The following PCDH9 variants were observed in gnomAD, a reference collection of about 807,000 sequenced individuals.
The protein encoded by PCDH9 is protocadherin 9.
A neutral mutation model predicts 70.6 loss-of-function variants in PCDH9; 24 were observed. That is an observed-to-expected ratio of 0.34 (90% confidence interval 0.25 to 0.48). The LOEUF is 0.48. Among genes scored for constraint, PCDH9 ranks in the 20% least tolerant of loss-of-function variants. The pLI is 0.99. For synonymous variants in PCDH9, 562 were observed against 558.5 expected (o/e 1.01, Z -0.09); for missense variants, 1,281 against 1,503.6 (o/e 0.85, Z 2.45).
Position 66,358,157 on chromosome 13 carries a change from A to G in PCDH9, c.3341-53129T>C, listed in dbSNP as rs562776768. On this transcript the variant is annotated intron_variant, in intron 4 of 4. Transcript: ENST00000377865. ...CTAGAATAATACTTTTCATAACTTT[A>G]TCATTTCTTTAAAACAATATGCAGT... is the stretch of plus-strand genomic sequence containing the variant. Among the ~76,000 whole-genome samples the G allele has an allele frequency of 2.6e-5, 4 of 152,096 alleles. No individual in the cohort carries two copies. The South Asian group carries it at 8.3e-4, about 32-fold the overall frequency.
chr13:66,875,004 G>A (rs140862197), intron 3 of PCDH9, among the ~76,000 whole-genome samples: 103 of 151,280 alleles, frequency 6.8e-4, no homozygotes, highest in African/African-American at 2.4e-3. Context: ...AGGAGATAAT[G>A]AGAAGTTATC....
At chr13:66,880,836 A>G (rs2081909164) in intron 3 of PCDH9, among the ~76,000 whole-genome samples, 1 of 152,280 alleles carries the variant, frequency 6.6e-6, no homozygotes, top group South Asian at 2.1e-4. Context: ...TTAACTAGAG[A>G]GCAATTGCTT....
At chr13:66,544,139 GAGC>G (rs1276800254) in intron 4 of PCDH9, among the ~76,000 whole-genome samples, 5 of 152,212 alleles carry the variant, frequency 3.3e-5, no homozygotes, top group Admixed American at 3.3e-4. Flanking sequence ...CTTATTTAAA[GAGC>G]AGCAAGCTCC....
In PCDH9 at chr13:66,343,272, A is replaced by G. The variant is rs953795432; in HGVS notation, c.3341-38244T>C. ...CATCCATTTATCATGTCACAATTCT[A>G]TAGGTCACAAGTCTGGTACAGAGTG... On this transcript the variant is annotated intron_variant, in intron 4 of 4. Coordinates refer to ENST00000377865, the MANE Select transcript of PCDH9 (RefSeq NM_203487.3). Among the ~76,000 whole-genome samples, 3 of 152,296 alleles carry G rather than the reference A, an allele frequency of 2.0e-5. No homozygotes were observed. In the East Asian group the frequency reaches 5.8e-4, roughly 29 times the overall value.
intron 3 of PCDH9, among the ~76,000 whole-genome samples, chr13:66,899,132 C>T (rs899083058): frequency 6.6e-6 from 1 of 151,970 alleles, no homozygotes; most frequent in African/African-American, 2.4e-5. Flanking sequence ...TTTTATGAAA[C>T]CAATGGTTAT....
At chr13:67,076,747 G>A (rs2085885885) in intron 2 of PCDH9, among the ~76,000 whole-genome samples, 1 of 152,068 alleles carries the variant, frequency 6.6e-6, no homozygotes. Context: ...TTTTTCTGAA[G>A]ACTACTGGAA....
At chr13:66,666,339 C>T (rs2078096978) in intron 3 of PCDH9, among the ~76,000 whole-genome samples, 1 of 152,146 alleles carries the variant, frequency 6.6e-6, no homozygotes, top group African/African-American at 2.4e-5. Flanking sequence ...TGGCATTCTG[C>T]TGGATGTCTG....
At chr13:66,396,571 T>C (rs990640670) in intron 4 of PCDH9, among the ~76,000 whole-genome samples, 2 of 135,434 alleles carry the variant, frequency 1.5e-5, no homozygotes, top group African/African-American at 2.5e-5. Context: ...TAAATGAATA[T>C]ACGAAATAGA....
rs1470218871 is a variant in PCDH9, at chr13:67,225,388, T to A, written c.3036+17A>T. 12 of 1,612,044 alleles carry A rather than the reference T, an allele frequency of 7.4e-6. No individual in the cohort carries two copies. The highest frequency in any genetic ancestry group is 9.3e-6 in the Non-Finnish European group (11 of 1,178,650). On this transcript the variant is annotated intron_variant, in intron 2 of 4. Transcript: ENST00000377865. ...CTTGTATGCAGTACTTATAGACCAG[T>A]AAAAGTGCTCGTTTACCTGTCTGGT...
intron 3 of PCDH9, among the ~76,000 whole-genome samples, chr13:66,687,403 T>G (rs1325940349): frequency 6.6e-6 from 1 of 152,164 alleles, no homozygotes; most frequent in Non-Finnish European, 1.5e-5. Context: ...AGTATTTTTT[T>G]CTTGCGGATC....
At chr13:67,172,877 C>CAA (rs11407365) in intron 2 of PCDH9, among the ~76,000 whole-genome samples, 5,402 of 98,142 alleles carry the variant, frequency 0.055, 417 homozygotes, top group African/African-American at 0.14. Flanking sequence ...GACTCCATCT[C>CAA]AAAAAAAAAA....
rs73510081 is a variant in PCDH9 at position 66,463,666 on chromosome 13, G to T, written c.3341-158638C>A. Among the ~76,000 whole-genome samples, 926 of 151,800 alleles carry T rather than the reference G, an allele frequency of 6.1e-3. 9 individuals are homozygous for T. The highest frequency in any genetic ancestry group is 0.021 in the African/African-American group (880 of 41,456). ...TTTTTTGTGGACCACACTTTGAGGA[G>T]CAAGATGGTAAACATTTGAAAGAAA... On this transcript the variant is annotated intron_variant, in intron 4 of 4. Coordinates refer to ENST00000377865, the MANE Select transcript of PCDH9 (RefSeq NM_203487.3).
intron 4 of PCDH9, among the ~76,000 whole-genome samples, chr13:66,489,652 C>T (rs1188288437): frequency 6.6e-6 from 1 of 152,096 alleles, no homozygotes; most frequent in Non-Finnish European, 1.5e-5. Flanking sequence ...TTCACTGCCT[C>T]CTTATAAATC....
intron 2 of PCDH9, among the ~76,000 whole-genome samples, chr13:67,029,509 G>A (rs569760296): frequency 6.6e-6 from 1 of 152,088 alleles, no homozygotes; most frequent in East Asian, 1.9e-4. Context: ...CTCTTCAGTG[G>A]TTAATCTCTT....
At chr13:66,399,249 T>A (rs1421891318) in intron 4 of PCDH9, among the ~76,000 whole-genome samples, 1 of 152,152 alleles carries the variant, frequency 6.6e-6, no homozygotes, top group Non-Finnish European at 1.5e-5. Context: ...CTACCTAGGC[T>A]CTTCCCTTGA....
At chr13:66,510,949 G>A (rs574317272) in intron 4 of PCDH9, among the ~76,000 whole-genome samples, 4 of 152,220 alleles carry the variant, frequency 2.6e-5, no homozygotes, top group Middle Eastern at 3.4e-3. Context: ...GTTTAGTTAG[G>A]TGTAAACAAC....
rs548515601 is a variant in PCDH9 at position 66,472,580 on chromosome 13, C to T, written c.3340+158630G>A. On this transcript the variant is annotated intron_variant, in intron 4 of 4. Transcript: ENST00000377865. ...GTGGGACCCTATCTCAAAACAACAA[C>T]AACAACCAAACACATCCATATTATA... Among the ~76,000 whole-genome samples, 5 of 152,242 alleles carry T rather than the reference C, an allele frequency of 3.3e-5. No individual in the cohort carries two copies. In the South Asian group the frequency reaches 1.0e-3, roughly 32 times the overall value.
intron 4 of PCDH9, among the ~76,000 whole-genome samples, chr13:66,561,074 C>T (rs185164237): frequency 1.4e-4 from 22 of 152,330 alleles, no homozygotes; most frequent in East Asian, 1.4e-3. Context: ...GGGAGAAGCG[C>T]GGGCGGGAAC....
At chr13:66,439,466 A>G (rs1351142747) in intron 4 of PCDH9, among the ~76,000 whole-genome samples, 1 of 152,206 alleles carries the variant, frequency 6.6e-6, no homozygotes, top group Admixed American at 6.5e-5. Flanking sequence ...ATAGGTAACT[A>G]TTCAAGATGA....
Sources: gnomAD v4.1 joint callset for allele counts (sites outside exome capture counted in the v4.1 genomes callset) on GRCh38, gnomAD v4.1.1 for gene constraint, MANE v1.5 for transcripts, NCBI Gene and HGNC (gene_info 2026-07-23, HGNC 2026-07-21) for gene names.